Variants in TEAD1 observed in about 807,000 individuals in gnomAD.
The protein encoded by TEAD1 is transcriptional enhancer factor TEF-1.
Under a neutral mutation model 54.9 loss-of-function variants are expected in TEAD1, and 9 were observed. The observed-to-expected ratio is 0.16, with a 90% CI of 0.10 to 0.29. The LOEUF is 0.29. Ranked by LOEUF, TEAD1 falls within the 10% of genes least tolerant of loss-of-function variation. The probability of loss-of-function intolerance (pLI) is 1.00; values close to 1 mark genes in which losing one functional copy is unlikely to be tolerated. For missense variants in TEAD1, 387 were observed against 535.9 expected (o/e 0.72, Z 2.74); for synonymous variants, 200 against 187.8 (o/e 1.07, Z -0.53).
At chr11:12,690,254 A>T (rs1310389877) in intron 2 of TEAD1, among the ~76,000 whole-genome samples, 2 of 151,482 alleles carry the variant, frequency 1.3e-5, no homozygotes, top group South Asian at 2.1e-4. Context: ...AAAAAAAAAA[A>T]AAAAAAAAAT....
At chr11:12,873,763 G>C (rs570682352) in intron 5 of TEAD1, among the ~76,000 whole-genome samples, 1 of 152,294 alleles carries the variant, frequency 6.6e-6, no homozygotes, top group South Asian at 2.1e-4. Context: ...ATATAGTTCT[G>C]TGATGTTTAT....
chr11:12,923,736 A>C (rs1308449184), intron 10 of TEAD1, among the ~76,000 whole-genome samples: 1 of 152,198 alleles, frequency 6.6e-6, no homozygotes, highest in Non-Finnish European at 1.5e-5. Flanking sequence ...AGGCACATGA[A>C]GGGCCAGAGA....
At chr11:12,738,768 GAGCAGTATTCC>G (rs1296629267) in intron 2 of TEAD1, among the ~76,000 whole-genome samples, 15 of 152,174 alleles carry the variant, frequency 9.9e-5, no homozygotes, top group Admixed American at 3.9e-4. Context: ...CTGAAAATCA[GAGCAGTATTCC>G]AGCCCCTCCC....
chr11:12,803,240 C>A (rs1272535676), intron 3 of TEAD1, among the ~76,000 whole-genome samples: 1 of 151,886 alleles, frequency 6.6e-6, no homozygotes, highest in Non-Finnish European at 1.5e-5. Context: ...CATGATTAGT[C>A]ATCTTGAAAC....
At chr11:12,682,826 G>A (rs772133395) in intron 2 of TEAD1, among the ~76,000 whole-genome samples, 2 of 152,210 alleles carry the variant, frequency 1.3e-5, no homozygotes, top group Non-Finnish European at 2.9e-5. Flanking sequence ...CAGAGGTCAT[G>A]GCAATCCAGT....
intron 3 of TEAD1, among the ~76,000 whole-genome samples, chr11:12,771,197 G>A (rs1263653440): frequency 6.6e-6 from 1 of 152,234 alleles, no homozygotes; most frequent in Non-Finnish European, 1.5e-5. Context: ...ATCTCCTGGG[G>A]GAGGGGTACA....
chr11:12,776,236 A>T (rs959495033), intron 3 of TEAD1, among the ~76,000 whole-genome samples: 1 of 152,212 alleles, frequency 6.6e-6, no homozygotes, highest in African/African-American at 2.4e-5. Context: ...GAGACGCATA[A>T]TTCCAACATT....
intron 12 of TEAD1, among the ~76,000 whole-genome samples, chr11:12,931,762 T>C (rs898389588): frequency 1.3e-5 from 2 of 151,652 alleles, no homozygotes; most frequent in African/African-American, 2.4e-5. Flanking sequence ...GGAGCCAGCT[T>C]CTATACACCA....
At chr11:12,845,830 G>A (rs1386976909) in intron 3 of TEAD1, among the ~76,000 whole-genome samples, 5 of 152,182 alleles carry the variant, frequency 3.3e-5, no homozygotes, top group Non-Finnish European at 7.4e-5. Flanking sequence ...AGAATTGGTC[G>A]CCTCTCTGGG....
chr11:12,879,631 C>T (rs1329929864), intron 5 of TEAD1, 77 bp from the exon 6 acceptor site: 2 of 1,586,366 alleles, frequency 1.3e-6, no homozygotes, highest in African/African-American at 1.3e-5. Flanking sequence ...AGTCCATGTG[C>T]TCGTGGCTGT....
chr11:12,826,951 C>G (rs757030840), intron 3 of TEAD1, among the ~76,000 whole-genome samples: 5 of 152,178 alleles, frequency 3.3e-5, no homozygotes, highest in Admixed American at 6.5e-5. Context: ...CTTTGGGGCT[C>G]TTGTACTCCC....
At chr11:12,821,994 C>T (rs1590184982) in intron 3 of TEAD1, among the ~76,000 whole-genome samples, 1 of 41,658 alleles carries the variant, frequency 2.4e-5, no homozygotes. Flanking sequence ...GACAGAGTCT[C>T]TCTCTGTCAC....
intron 9 of TEAD1, 89 bp downstream of exon 9, chr11:12,883,214 C>T: frequency 6.3e-7 from 1 of 1,591,198 alleles, no homozygotes; most frequent in Non-Finnish European, 8.6e-7. Flanking sequence ...TCCTCCTTTA[C>T]CCCGCCCCAT....
Position 12,866,903 on chromosome 11 carries a change from G to T in TEAD1, c.330+2003G>T, listed in dbSNP as rs1213859637. The stretch of plus-strand genomic sequence containing the variant: ...ATGTAAATGGGAATGTAAACTAGAG[G>T]AGCACTTTGGGTAATAGCGGGAGCA... On this transcript the variant is annotated intron_variant, in intron 5 of 12. Transcript: ENST00000527636. Among the ~76,000 whole-genome samples, 4 of 142,388 alleles carry T rather than the reference G, an allele frequency of 2.8e-5. No homozygotes were observed. In the East Asian group the frequency reaches 5.8e-4, roughly 21 times the overall value. The allele number at this position is 142,388 out of a possible 152,430, so 93.4% of individuals were successfully genotyped here.
At chr11:12,874,063 A>G (rs1252412132) in intron 5 of TEAD1, among the ~76,000 whole-genome samples, 1 of 152,228 alleles carries the variant, frequency 6.6e-6, no homozygotes, top group Non-Finnish European at 1.5e-5. Flanking sequence ...CTATATGAAT[A>G]AATTACATTG....
intron 3 of TEAD1, among the ~76,000 whole-genome samples, chr11:12,790,114 G>C (rs1945766042): frequency 6.6e-6 from 1 of 152,244 alleles, no homozygotes; most frequent in Non-Finnish European, 1.5e-5. Context: ...ACAGACTGAG[G>C]CACCAGCCCC....
chr11:12,930,055 A>G, intron 11 of TEAD1, 119 bp from the exon 12 acceptor site: 1 of 1,092,230 alleles, frequency 9.2e-7, no homozygotes, highest in East Asian at 2.4e-5. Context: ...CGTAAGTAGT[A>G]TAGCATATAG....
intron 3 of TEAD1, among the ~76,000 whole-genome samples, chr11:12,822,916 A>G (rs1946581588): frequency 6.6e-6 from 1 of 152,264 alleles, no homozygotes; most frequent in African/African-American, 2.4e-5. Flanking sequence ...TGTACAGACC[A>G]TAAAATAAGT....
intron 9 of TEAD1, among the ~76,000 whole-genome samples, chr11:12,893,782 G>A (rs35409730): frequency 0.078 from 11,951 of 152,260 alleles, 861 homozygotes; most frequent in East Asian, 0.4. Context: ...TGGGAAGAAC[G>A]AGGGGCATGG....
Sources: allele counts gnomAD v4.1 joint callset (sites outside exome capture counted in the v4.1 genomes callset), GRCh38; gene constraint gnomAD v4.1.1; transcripts MANE v1.5; gene names NCBI Gene and HGNC (gene_info 2026-07-23, HGNC 2026-07-21).